Variants in RABEP1 observed in about 807,000 individuals in gnomAD.
RABEP1 encodes the protein rab GTPase-binding effector protein 1.
A neutral mutation model predicts 123.4 loss-of-function variants in RABEP1; 51 were observed. That is an observed-to-expected ratio of 0.41 (90% CI 0.33 to 0.52). The LOEUF (loss-of-function observed/expected upper bound fraction) is 0.52, where lower values mean the gene tolerates loss of function less well. Among genes scored for constraint, RABEP1 ranks in the 20% least tolerant of loss-of-function variants. RABEP1 has a pLI of 0.16. For synonymous variants in RABEP1, 347 were observed against 355.2 expected (o/e 0.98, Z 0.26); for missense variants, 888 against 996.3 (o/e 0.89, Z 1.46).
intron 8 of RABEP1, 104 bp from the exon 9 acceptor site, chr17:5,361,104 A>T: frequency 1.0e-6 from 1 of 983,652 alleles, no homozygotes; most frequent in South Asian, 1.7e-5. Flanking sequence ...TAGCACATTA[A>T]TGATTATCAT....
chr17:5,333,785 T>C (rs1363557573), intron 3 of RABEP1, among the ~76,000 whole-genome samples: 1 of 152,178 alleles, frequency 6.6e-6, no homozygotes, highest in African/African-American at 2.4e-5. Flanking sequence ...CCTTAGCATA[T>C]GGTTTTCAAC....
intron 2 of RABEP1, among the ~76,000 whole-genome samples, chr17:5,312,305 C>A (rs1385856148): frequency 6.6e-6 from 1 of 152,134 alleles, no homozygotes; most frequent in African/African-American, 2.4e-5. Context: ...TGTGCCACCA[C>A]ACCTGGCTAA....
At chr17:5,312,129 T>G (rs2075249266) in intron 2 of RABEP1, among the ~76,000 whole-genome samples, 1 of 152,218 alleles carries the variant, frequency 6.6e-6, no homozygotes, top group Non-Finnish European at 1.5e-5. Flanking sequence ...TCATTCACTT[T>G]TTAATTATTG....
chr17:5,354,834 TTATC>T (rs1479168690), intron 8 of RABEP1, among the ~76,000 whole-genome samples: 7 of 152,218 alleles, frequency 4.6e-5, no homozygotes, highest in African/African-American at 1.7e-4. Context: ...TAAAAAGAGA[TTATC>T]TAAAGCGCTG....
At chr17:5,296,373 C>T (rs1387527525) in intron 1 of RABEP1, among the ~76,000 whole-genome samples, 2 of 152,120 alleles carry the variant, frequency 1.3e-5, no homozygotes, top group African/African-American at 4.8e-5. Context: ...AAGTGATTCT[C>T]CTGCCTCAGC....
chr17:5,368,615 G>A (rs1910282593), intron 12 of RABEP1, 147 bp downstream of exon 12: 2 of 567,128 alleles, frequency 3.5e-6, no homozygotes, highest in African/African-American at 1.9e-5. Flanking sequence ...ATTAATAATG[G>A]ACAAAATATT....
intron 15 of RABEP1, 57 bp downstream of exon 15, chr17:5,378,289 C>T (rs772169580): frequency 7.1e-7 from 1 of 1,414,312 alleles, no homozygotes; most frequent in Non-Finnish European, 1.0e-6. Context: ...TTACTGACTC[C>T]TACTATGCTG....
Position 5,365,129 on chromosome 17 carries a change from A to AACT in RABEP1, c.1679_1681dup (p.Leu560dup). 6.3e-7 allele frequency: 1 copy of AACT among 1,598,798 alleles called. No homozygotes were observed. Among genetic ancestry groups the AACT allele is most frequent in the Non-Finnish European group, 8.5e-7 (1 of 1,175,238 alleles). On this transcript the variant is annotated inframe_insertion, in exon 11 of 18. Coordinates refer to ENST00000537505, the MANE Select transcript of RABEP1 (RefSeq NM_004703.6). ...ACTTTTAAAATGATACAGGTGAAAA[A>AACT]ACTACAGCTGATGCTAAGGCAAGCT...
In RABEP1 at chr17:5,346,869, C is replaced by T. The variant is rs1380134208; in HGVS notation, c.728C>T (p.Thr243Ile). The change falls in exon 6 of 18, where the codon ACT becomes ATT. Residue 243 changes from threonine to isoleucine, a missense_variant. Transcript: ENST00000537505. ...DLEMYVAVLN[T>I]QKSVLQEDAE... is the part of the protein sequence containing the mutation. Reference sequence around the variant, plus strand: ...GAGATGTATGTAGCTGTTTTGAATACTCAGAAATCTGTTCTACAGGAAGAT... The same window carrying T: ...GAGATGTATGTAGCTGTTTTGAATATTCAGAAATCTGTTCTACAGGAAGAT... 10 of 1,608,998 alleles carry T rather than the reference C, an allele frequency of 6.2e-6. No homozygotes were observed. The highest frequency in any genetic ancestry group is 8.5e-6 in the Non-Finnish European group (10 of 1,177,074).
intron 11 of RABEP1, among the ~76,000 whole-genome samples, chr17:5,367,849 GT>G (rs1365369675): frequency 1.3e-5 from 2 of 149,216 alleles, no homozygotes; most frequent in Non-Finnish European, 3.0e-5. Context: ...CTGCCTCCCG[GT>G]TTTCAAGCAA....
At chr17:5,336,843 A>G (rs994769502) in intron 4 of RABEP1, among the ~76,000 whole-genome samples, 5 of 152,206 alleles carry the variant, frequency 3.3e-5, no homozygotes, top group Non-Finnish European at 7.3e-5. Context: ...TTGTGTAAGG[A>G]CCTGAAAACA....
At chr17:5,311,933 T>C (rs1274516952) in intron 2 of RABEP1, among the ~76,000 whole-genome samples, 1 of 152,144 alleles carries the variant, frequency 6.6e-6, no homozygotes, top group East Asian at 1.9e-4. Context: ...AAACAGAGTT[T>C]TATTACAGCA....
At chr17:5,352,380 A>G (rs1370722671) in intron 7 of RABEP1, among the ~76,000 whole-genome samples, 2 of 151,214 alleles carry the variant, frequency 1.3e-5, no homozygotes, top group East Asian at 2.0e-4. Context: ...TTTAGTAGAG[A>G]CAGGGTTTCA....
chr17:5,304,483 G>A (rs2075163521), intron 1 of RABEP1, among the ~76,000 whole-genome samples: 1 of 151,928 alleles, frequency 6.6e-6, no homozygotes, highest in African/African-American at 2.4e-5. Flanking sequence ...TTGGGAGGCT[G>A]AGGCAGGAGG....
At chr17:5,323,346 T>C (rs1260870533) in intron 2 of RABEP1, among the ~76,000 whole-genome samples, 1 of 152,072 alleles carries the variant, frequency 6.6e-6, no homozygotes, top group Non-Finnish European at 1.5e-5. Flanking sequence ...GTATTGGAAA[T>C]TGCAGCCAGA....
intron 5 of RABEP1, among the ~76,000 whole-genome samples, chr17:5,345,582 T>G (rs991340003): frequency 2.0e-5 from 3 of 152,212 alleles, no homozygotes; most frequent in Admixed American, 2.0e-4. Context: ...ATACGGACTC[T>G]TTTACCATCA....
chr17:5,329,818 CATATATATATAT>C (rs61446536), intron 2 of RABEP1, among the ~76,000 whole-genome samples: 6 of 143,092 alleles, frequency 4.2e-5, no homozygotes, highest in African/African-American at 1.3e-4. Context: ...TATATATGTT[CATATATATATAT>C]ATATATATAT....
intron 13 of RABEP1, among the ~76,000 whole-genome samples, chr17:5,373,999 TGAC>T (rs557963800): frequency 1.2e-3 from 185 of 152,280 alleles, no homozygotes; most frequent in African/African-American, 4.0e-3. Flanking sequence ...TGGCTGCTTA[TGAC>T]GTTTGTTTTT....
chr17:5,355,451 C>T (rs146775007), intron 8 of RABEP1, among the ~76,000 whole-genome samples: 1 of 152,308 alleles, frequency 6.6e-6, no homozygotes, highest in East Asian at 1.9e-4. Flanking sequence ...GCATGGCATA[C>T]AAGGGCATTC....
Sources: allele counts gnomAD v4.1 joint callset (sites outside exome capture counted in the v4.1 genomes callset), GRCh38; gene constraint gnomAD v4.1.1; transcripts MANE v1.5; gene names NCBI Gene and HGNC (gene_info 2026-07-23, HGNC 2026-07-21).